Variants in LAMP2 observed in about 807,000 individuals in gnomAD.
LAMP2 encodes lysosome associated membrane protein 2.
LAMP2 carries 4 observed loss-of-function variants against 25.6 expected under a neutral mutation model. That is an observed-to-expected ratio of 0.16 (90% CI 0.08 to 0.36). The LOEUF is 0.36. Among genes scored for constraint, LAMP2 ranks in the 10% least tolerant of loss-of-function variants. The pLI is 1.00. For synonymous variants in LAMP2, 108 were observed against 112.7 expected (o/e 0.96, Z 0.27); for missense variants, 272 against 301.4 (o/e 0.90, Z 0.72).
In LAMP2 at chrX:120,456,688, T is replaced by C; in HGVS notation, c.146A>G (p.Asn49Ser). The change falls in exon 2 of 9, where the codon AAT (asparagine) becomes AGT (serine). Residue 49 changes from asparagine to serine, a missense_variant. Coordinates refer to ENST00000200639, the MANE Select transcript of LAMP2 (RefSeq NM_002294.3). ...TGTAGTTTCATAGCGTACTGTGAAATTCATCTGCCATTTTGCATAAAGGCA... is the reference window on the plus strand; with the variant it reads ...TGTAGTTTCATAGCGTACTGTGAAACTCATCTGCCATTTTGCATAAAGGCA... ...ATCLYAKWQMNFTVRYETTNK... is the reference protein window; with the variant it reads ...ATCLYAKWQMSFTVRYETTNK... The C allele has an allele frequency of 8.5e-7, 1 of 1,178,029 alleles. No individual in the cohort carries two copies. The highest frequency in any genetic ancestry group is 1.2e-6 in the Non-Finnish European group (1 of 868,749).
chrX:120,459,720 C>T (rs981774563), intron 1 of LAMP2, among the ~76,000 whole-genome samples: 1 of 111,995 alleles, frequency 8.9e-6, no homozygotes. Flanking sequence ...GAAAAGTGCA[C>T]GTAACATTAA....
Position 120,448,950 on chromosome X carries a change from G to C in LAMP2, c.556+20C>G, listed in dbSNP as rs1253220845. 4 of 1,193,810 alleles carry C rather than the reference G, an allele frequency of 3.4e-6. No homozygotes were observed. The highest frequency in any genetic ancestry group is 2.3e-4 in the Middle Eastern group (1 of 4,271). Reference sequence around the variant, plus strand: ...ACTCTTAAATTAGGATCCAAGTAGAGAAATATATACTTTACTCACCATTTG... The same window carrying C: ...ACTCTTAAATTAGGATCCAAGTAGACAAATATATACTTTACTCACCATTTG... On this transcript the variant is annotated intron_variant, in intron 4 of 8. Transcript: ENST00000200639.
intron 8 of LAMP2, chrX:120,437,871 T>C: frequency 1.4e-6 from 1 of 713,439 alleles, no homozygotes; most frequent in South Asian, 7.2e-5. Context: ...TTGTTTTGTT[T>C]TGAGATGGAG....
chrX:120,458,686 C>T (rs1294027468), intron 1 of LAMP2, among the ~76,000 whole-genome samples: 2 of 111,766 alleles, frequency 1.8e-5, no homozygotes, highest in African/African-American at 6.5e-5. Flanking sequence ...CTTCTGCTTC[C>T]TCCAAACTGG....
intron 8 of LAMP2, chrX:120,436,948 A>AT: frequency 1.3e-6 from 1 of 752,612 alleles, no homozygotes; most frequent in Non-Finnish European, 1.6e-6. Context: ...GCTTCCAATT[A>AT]TTTTTTTAAA....
rs763011446 is a variant in LAMP2, at chrX:120,429,344, A to G, written c.*1979T>C. 1.5e-6 allele frequency: 1 copy of G among 681,768 alleles called. No homozygotes were observed. The highest frequency in any genetic ancestry group is 7.7e-5 in the South Asian group (1 of 13,001). 56.2% of individuals were successfully genotyped at this position (681,768 alleles called of 1,213,427 possible). Reference sequence around the variant, plus strand: ...TGTTTAAATCTTGACTCCTTCCAGTACTAGCCAAAGGACCTTGGGCAAGTT... The same window carrying G: ...TGTTTAAATCTTGACTCCTTCCAGTGCTAGCCAAAGGACCTTGGGCAAGTT... On this transcript the variant is annotated 3_prime_UTR_variant, in exon 9 of 9. Transcript: ENST00000200639.
chrX:120,442,860 C>T (rs1254920952), intron 6 of LAMP2, among the ~76,000 whole-genome samples, 198 bp from the exon 7 acceptor site: 2 of 111,863 alleles, frequency 1.8e-5, no homozygotes, highest in East Asian at 5.6e-4. Flanking sequence ...TTGTTTCCAA[C>T]TTTTGGAGCA....
chrX:120,439,030 C>T (rs906899899), intron 8 of LAMP2: 10 of 1,134,038 alleles, frequency 8.8e-6, no homozygotes, highest in Non-Finnish European at 1.2e-5. Flanking sequence ...AGTTTGAAAT[C>T]CCCCATACCA....
At chrX:120,466,894 A>G (rs991066015) in intron 1 of LAMP2, among the ~76,000 whole-genome samples, 2 of 105,896 alleles carry the variant, frequency 1.9e-5, no homozygotes, top group African/African-American at 3.5e-5. Context: ...CCAGGCTGGA[A>G]TGCAGTGGCG....
chrX:120,437,292 T>C (rs1443142330), intron 8 of LAMP2: 5 of 727,793 alleles, frequency 6.9e-6, no homozygotes, highest in Non-Finnish European at 6.4e-6. Flanking sequence ...CAACTGCCTA[T>C]ATATGTGTGC....
chrX:120,436,971 T>C (rs1294285633), intron 8 of LAMP2: 1 of 749,483 alleles, frequency 1.3e-6, no homozygotes, highest in Non-Finnish European at 1.6e-6. Context: ...TGCTTTGTTT[T>C]GACTCATGTG....
chrX:120,438,662 A>G, intron 8 of LAMP2: 2 of 755,796 alleles, frequency 2.6e-6, no homozygotes, highest in Non-Finnish European at 3.1e-6. Flanking sequence ...CAGCAATGCC[A>G]AAGTAGCTAA....
At chrX:120,439,034 C>A in intron 8 of LAMP2, 1 of 1,148,364 alleles carries the variant, frequency 8.7e-7, no homozygotes, top group Non-Finnish European at 1.2e-6. Flanking sequence ...TGAAATCCCC[C>A]ATACCACCCA....
chrX:120,428,229 C>A lies in LAMP2; in HGVS notation c.*3094G>T. ...ATAATTGGATCCAGGGGCTTAAAATCATTATTTACTTAAAAAATTCTAAGC... is the reference window on the plus strand; with the variant it reads ...ATAATTGGATCCAGGGGCTTAAAATAATTATTTACTTAAAAAATTCTAAGC... On this transcript the variant is annotated 3_prime_UTR_variant, in exon 9 of 9. Transcript: ENST00000200639. 1 of 241,071 alleles carries A rather than the reference C, an allele frequency of 4.1e-6. No individual in the cohort carries two copies. Among genetic ancestry groups the A allele is most frequent in the Non-Finnish European group, 7.2e-6 (1 of 138,050 alleles). 19.9% of individuals were successfully genotyped at this position (241,071 alleles called of 1,213,427 possible). A position where few individuals can be genotyped will look rare whatever the true frequency, so the allele number is the denominator to read the frequency against.
At chrX:120,455,306 A>T (rs1921038902) in intron 3 of LAMP2, 51 bp downstream of exon 3, 2 of 975,124 alleles carry the variant, frequency 2.1e-6, no homozygotes, top group Non-Finnish European at 2.9e-6. Flanking sequence ...TTACATTTTT[A>T]TCATTAATAA....
chrX:120,441,203 A>G (rs1435496193), intron 8 of LAMP2, among the ~76,000 whole-genome samples: 6 of 112,316 alleles, frequency 5.3e-5, no homozygotes. Context: ...TAAAAATCTA[A>G]TAAATACCAC....
intron 2 of LAMP2, 125 bp from the exon 3 acceptor site, chrX:120,455,695 G>T: frequency 3.8e-6 from 2 of 529,444 alleles, no homozygotes; most frequent in Non-Finnish European, 6.5e-6. Flanking sequence ...CCTTTGCCTG[G>T]TTTGCTGTGT....
intron 3 of LAMP2, among the ~76,000 whole-genome samples, chrX:120,452,754 A>G (rs750370397): frequency 1.1e-5 from 1 of 88,701 alleles, no homozygotes; most frequent in Non-Finnish European, 2.1e-5. Flanking sequence ...AAGTCTTAAT[A>G]TGTTGCCCAG....
At chrX:120,446,223 C>T in intron 6 of LAMP2, 82 bp downstream of exon 6, 2 of 911,987 alleles carry the variant, frequency 2.2e-6, no homozygotes, top group Non-Finnish European at 3.2e-6. Context: ...AGCTAAATAC[C>T]CCCCTCCCCC....
Sources: gnomAD v4.1 joint callset for allele counts (sites outside exome capture counted in the v4.1 genomes callset) on GRCh38, gnomAD v4.1.1 for gene constraint, MANE v1.5 for transcripts, NCBI Gene and HGNC (gene_info 2026-07-23, HGNC 2026-07-21) for gene names.